Variants in PLEKHA6 observed in about 807,000 individuals in gnomAD.
The protein encoded by PLEKHA6 is pleckstrin homology domain containing A6.
A neutral mutation model predicts 116.7 loss-of-function variants in PLEKHA6; 60 were observed. The observed-to-expected ratio is 0.51, with a 90% CI of 0.42 to 0.64. The LOEUF (loss-of-function observed/expected upper bound fraction) is 0.64, where lower values mean the gene tolerates loss of function less well. Ranked by LOEUF, PLEKHA6 falls within the 30% of genes least tolerant of loss-of-function variation. The pLI is 0.00. For missense variants in PLEKHA6, 1,338 were observed against 1,422.7 expected (o/e 0.94, Z 0.96); for synonymous variants, 489 against 556.1 (o/e 0.88, Z 1.70).
upstream of PLEKHA6, chr1:204,377,913 C>T (rs1673900915): frequency 6.6e-6 from 1 of 152,332 alleles, no homozygotes; most frequent in African/African-American, 2.4e-5. Context: ...GGCCGGGAGC[C>T]CCAGACACCA....
intron 11 of PLEKHA6, 73 bp from the exon 12 acceptor site, chr1:204,249,043 G>C: frequency 6.5e-7 from 1 of 1,547,686 alleles, no homozygotes; most frequent in Non-Finnish European, 8.9e-7. Context: ...AGAGGCCTGA[G>C]CCCTTAGAGG....
intron 1 of PLEKHA6, among the ~76,000 whole-genome samples, chr1:204,356,299 G>A (rs1038059564): frequency 6.6e-6 from 1 of 152,174 alleles, no homozygotes; most frequent in Admixed American, 6.5e-5. Context: ...AAGGCCAGGT[G>A]TGGTGGTTCA....
At chr1:204,330,396 A>G (rs1318245658) in intron 1 of PLEKHA6, among the ~76,000 whole-genome samples, 2 of 152,246 alleles carry the variant, frequency 1.3e-5, no homozygotes, top group Non-Finnish European at 2.9e-5. Context: ...TTGAAAGAAG[A>G]CTGACTAAGA....
At chr1:204,244,124 T>G (rs1398422189) in intron 15 of PLEKHA6, among the ~76,000 whole-genome samples, 1 of 151,962 alleles carries the variant, frequency 6.6e-6, no homozygotes, top group Non-Finnish European at 1.5e-5. Flanking sequence ...CCCAGCCTCT[T>G]TCTTTTATTT....
At chr1:204,227,679 G>A (rs12062034) in intron 21 of PLEKHA6, among the ~76,000 whole-genome samples, 2,591 of 152,290 alleles carry the variant, frequency 0.017, 70 homozygotes, top group African/African-American at 0.058. Context: ...AGCAGGAAAT[G>A]AAAGGATACT....
At chr1:204,325,649 A>T (rs1672215742) in intron 1 of PLEKHA6, among the ~76,000 whole-genome samples, 1 of 152,162 alleles carries the variant, frequency 6.6e-6, no homozygotes, top group South Asian at 2.1e-4. Context: ...TAAGATCTGG[A>T]TGGGTTTTCC....
chr1:204,359,769 G>A lies in PLEKHA6; in HGVS notation c.-170C>T. 1 of 879,590 alleles carries A rather than the reference G, an allele frequency of 1.1e-6. No homozygotes were observed. Among genetic ancestry groups the A allele is most frequent in the Non-Finnish European group, 1.4e-6 (1 of 732,890 alleles). The allele number at this position is 879,590 out of a possible 1,614,324, so 54.5% of individuals were successfully genotyped here. ...CCAAGGCACCCCTCCCCCCAGCTCA[G>A]GCCAGCTGGGGTCCTCCTCCCCCGC... On this transcript the variant is annotated 5_prime_UTR_variant, in exon 1 of 23. Coordinates refer to ENST00000272203, the MANE Select transcript of PLEKHA6 (RefSeq NM_014935.5).
At chr1:204,354,717 C>T (rs748773225) in intron 1 of PLEKHA6, among the ~76,000 whole-genome samples, 19 of 152,324 alleles carry the variant, frequency 1.2e-4, no homozygotes, top group South Asian at 8.3e-4. Context: ...TGAGCCTTCT[C>T]TCCATGACCA....
At chr1:204,354,346 G>A (rs757080405) in intron 1 of PLEKHA6, among the ~76,000 whole-genome samples, 42 of 152,284 alleles carry the variant, frequency 2.8e-4, no homozygotes, top group Middle Eastern at 3.4e-3. Flanking sequence ...GAATTCACAC[G>A]GTGAGGACCA....
At chr1:204,271,628 T>C (rs1667459793) in intron 3 of PLEKHA6, among the ~76,000 whole-genome samples, 1 of 152,170 alleles carries the variant, frequency 6.6e-6, no homozygotes, top group Non-Finnish European at 1.5e-5. Context: ...AGTTTACCAC[T>C]CCAGACAACC....
chr1:204,248,739 A>G, intron 12 of PLEKHA6, 82 bp downstream of exon 12: 1 of 1,328,256 alleles, frequency 7.5e-7, no homozygotes, highest in Non-Finnish European at 1.1e-6. Flanking sequence ...AAACTGGACT[A>G]GGACAGCACA....
At chr1:204,245,110 T>C (rs1663455050) in intron 14 of PLEKHA6, 107 bp from the exon 15 acceptor site, 2 of 765,242 alleles carry the variant, frequency 2.6e-6, no homozygotes, top group Admixed American at 3.6e-5. Flanking sequence ...TCCAGGGATG[T>C]GGAAGGGCAG....
At chr1:204,301,309 G>A in intron 1 of PLEKHA6, 2 of 959,734 alleles carry the variant, frequency 2.1e-6, no homozygotes, top group Non-Finnish European at 2.5e-6. Context: ...GAGTCTCTGG[G>A]TTCCTGCAGC....
intron 17 of PLEKHA6, among the ~76,000 whole-genome samples, chr1:204,236,661 A>G (rs1484235567): frequency 6.6e-6 from 1 of 152,160 alleles, no homozygotes; most frequent in East Asian, 1.9e-4. Flanking sequence ...CAGAGGCAAA[A>G]TGGCAATCAG....
Position 204,241,753 on chromosome 1 carries a change from G to C in PLEKHA6, c.2234C>G (p.Pro745Arg). Residue 745 changes from proline to arginine, a missense_variant, in exon 16 of 23, where the codon CCC becomes CGC. Coordinates refer to ENST00000272203, the MANE Select transcript of PLEKHA6 (RefSeq NM_014935.5). ...GGTGGGCACAAGGCTGATGTCTCTG[G>C]GGGTGTCCAGGGGCAATGTCTGGTG... ...DPHQTLPLDT[P>R]RDISLVPTRQ... 2 of 1,614,020 alleles carry C rather than the reference G, an allele frequency of 1.2e-6. No individual in the cohort carries two copies. The highest frequency in any genetic ancestry group is 1.7e-6 in the Non-Finnish European group (2 of 1,179,916).
rs777093352 is a variant in PLEKHA6 at position 204,273,632 on chromosome 1, G to A, written c.96C>T (p.Ser32=). 63 of 1,612,176 alleles carry A rather than the reference G, an allele frequency of 3.9e-5. No homozygotes were observed. Among genetic ancestry groups the A allele is most frequent in the Middle Eastern group, 1.6e-4 (1 of 6,074 alleles). Residue 32 remains serine (S), a synonymous_variant, in exon 3 of 23, where the codon AGC becomes AGT. Transcript: ENST00000272203. ...MVSEVPPERP[S]VRATRTARKA... is the part of the protein sequence containing the mutation. ...CCTTGAGGGCTGGACTTACCCGGACGCTGGGCCGCTCTGGAGGGACCTCGG... is the reference window on the plus strand; with the variant it reads ...CCTTGAGGGCTGGACTTACCCGGACACTGGGCCGCTCTGGAGGGACCTCGG...
intron 1 of PLEKHA6, among the ~76,000 whole-genome samples, chr1:204,292,821 T>C (rs1325539427): frequency 6.6e-6 from 1 of 152,098 alleles, no homozygotes; most frequent in Non-Finnish European, 1.5e-5. Flanking sequence ...AGATCACACA[T>C]TTGATGTGAA....
intron 1 of PLEKHA6, among the ~76,000 whole-genome samples, chr1:204,334,014 G>A (rs1312810430): frequency 2.6e-5 from 4 of 152,202 alleles, no homozygotes; most frequent in African/African-American, 9.7e-5. Flanking sequence ...TTTGTCCCCA[G>A]GTCTTGAACA....
intron 1 of PLEKHA6, among the ~76,000 whole-genome samples, chr1:204,293,499 T>A (rs976100156): frequency 6.6e-6 from 1 of 152,184 alleles, no homozygotes; most frequent in African/African-American, 2.4e-5. Flanking sequence ...CCATGATGAA[T>A]GAAATACCAA....
Sources: gnomAD v4.1 joint callset for allele counts (sites outside exome capture counted in the v4.1 genomes callset) on GRCh38, gnomAD v4.1.1 for gene constraint, MANE v1.5 for transcripts, NCBI Gene and HGNC (gene_info 2026-07-23, HGNC 2026-07-21) for gene names.